MCM6: variants seen among roughly 807,000 people sequenced by gnomAD.
The protein encoded by MCM6 is DNA replication licensing factor MCM6.
Under a neutral mutation model 94.3 loss-of-function variants are expected in MCM6, and 46 were observed. That is an observed-to-expected ratio of 0.49 (90% CI 0.39 to 0.62). MCM6 has a LOEUF of 0.62. Among genes scored for constraint, MCM6 ranks in the 20% least tolerant of loss-of-function variants. The pLI is 0.00. For synonymous variants in MCM6, 335 were observed against 351.9 expected (o/e 0.95, Z 0.54); for missense variants, 865 against 1,017.9 (o/e 0.85, Z 2.04).
intron 9 of MCM6, among the ~76,000 whole-genome samples, chr2:135,858,615 AG>A (rs4988204): frequency 0.029 from 4,485 of 152,306 alleles, 94 homozygotes; most frequent in East Asian, 0.06. Flanking sequence ...CCCTTTTCTA[AG>A]GAAGATAATT....
chr2:135,854,612 C>T (rs573862301), intron 11 of MCM6, among the ~76,000 whole-genome samples: 1 of 149,682 alleles, frequency 6.7e-6, no homozygotes, highest in South Asian at 2.1e-4. Flanking sequence ...GTGGCACATG[C>T]CTATAATCCC....
chr2:135,848,750 T>C (rs1429980266), intron 13 of MCM6, among the ~76,000 whole-genome samples: 1 of 152,116 alleles, frequency 6.6e-6, no homozygotes, highest in East Asian at 1.9e-4. Context: ...CTGGGCATGG[T>C]GGCACATGCC....
intron 11 of MCM6, among the ~76,000 whole-genome samples, chr2:135,855,040 C>T (rs149435801): frequency 1.3e-5 from 2 of 152,138 alleles, no homozygotes; most frequent in African/African-American, 4.8e-5. Flanking sequence ...CCTATAATCC[C>T]AGCTACTCAG....
Position 135,868,805 on chromosome 2 carries a change from C to T in MCM6, c.421G>A (p.Val141Met). 6.2e-7 allele frequency: 1 copy of T among 1,614,124 alleles called. No homozygotes were observed. Among genetic ancestry groups the T allele is most frequent in the Middle Eastern group, 1.6e-4 (1 of 6,062 alleles). Reference protein sequence around the residue: ...IGLLTRISGQVVRTHPVHPEL... With the variant: ...IGLLTRISGQMVRTHPVHPEL... ...GGGTGAACTGGGTGAGTCCGCACCACCTGCCCACTGATGCGAGTGAGCAAA... is the reference window on the plus strand; with the variant it reads ...GGGTGAACTGGGTGAGTCCGCACCATCTGCCCACTGATGCGAGTGAGCAAA... Residue 141 changes from valine (V) to methionine (M), a missense_variant, in exon 4 of 17, where the codon GTG becomes ATG. Physicochemically the swap from Val to Met is conservative, Grantham distance 21. Coordinates refer to ENST00000264156, the MANE Select transcript of MCM6 (RefSeq NM_005915.6).
In MCM6 at chr2:135,864,092, C is replaced by A. The variant is rs181069390; in HGVS notation, c.1078+921G>T. 3.5e-3 allele frequency among the ~76,000 whole-genome samples: 531 copies of A among 152,072 alleles called. 5 individuals are homozygous for A. Among genetic ancestry groups the A allele is most frequent in the Middle Eastern group, 0.01 (3 of 292 alleles). The stretch of plus-strand genomic sequence containing the variant: ...CGCCACTGCACTCCAGCCTGGGCGA[C>A]AGAGTGAGACTCTGTCTCAAAATAA... On this transcript the variant is annotated intron_variant, in intron 7 of 16. Coordinates refer to ENST00000264156, the MANE Select transcript of MCM6 (RefSeq NM_005915.6).
At position 135,862,829 on chromosome 2, in the gene MCM6, T is replaced by C. The variant is rs143427621; in HGVS notation, c.1079-81A>G. 5.4e-6 allele frequency: 8 copies of C among 1,480,576 alleles called. No homozygotes were observed. In the Admixed American group the frequency reaches 9.3e-5, roughly 17 times the overall value. 91.7% of individuals were successfully genotyped at this position (1,480,576 alleles called of 1,614,324 possible). On this transcript the variant is annotated intron_variant, in intron 7 of 16. Transcript: ENST00000264156. ...ACTTTCAGAAGAAACAGTAAAGGCA[T>C]GTTTACCAACCGAAAGGCAGAGTCA...
chr2:135,872,241 T>C (rs1472451008), intron 2 of MCM6, among the ~76,000 whole-genome samples: 1 of 151,696 alleles, frequency 6.6e-6, no homozygotes, highest in African/African-American at 2.4e-5. Context: ...AGATCAGGAG[T>C]TCGAGACCAG....
Position 135,866,200 on chromosome 2 carries a change from G to A in MCM6, c.859C>T (p.Leu287Phe). 1.2e-6 allele frequency: 2 copies of A among 1,614,184 alleles called. No individual in the cohort carries two copies. The highest frequency in any genetic ancestry group is 1.7e-6 in the Non-Finnish European group (2 of 1,180,036). The change falls in exon 6 of 17, where the codon CTT becomes TTT. Residue 287 changes from leucine (L) to phenylalanine (F), a missense_variant. Around this residue, in one of 3 missense-constraint regions of MCM6, gnomAD observed 404 missense variants for 451.9 expected, o/e 0.89. Transcript: ENST00000264156. ...CTATAAGAAAGGTCCCTAACACCAA[G>A]GGCCCGGAGTCCTCGAATGCCTTCT... The part of the protein sequence containing the change: ...ETEGIRGLRA[L>F]GVRDLSYRLV...
chr2:135,844,815 G>C (rs1022305122), intron 15 of MCM6, 131 bp from the exon 16 acceptor site: 2 of 854,162 alleles, frequency 2.3e-6, no homozygotes, highest in Non-Finnish European at 3.3e-6. Flanking sequence ...AGTACATCTG[G>C]TGACGTAAGG....
chr2:135,847,247 C>T (rs1319886012), intron 14 of MCM6, among the ~76,000 whole-genome samples: 3 of 152,050 alleles, frequency 2.0e-5, no homozygotes, highest in Non-Finnish European at 4.4e-5. Flanking sequence ...GATCCTGTCT[C>T]TAGAAAAAAT....
In MCM6 at chr2:135,851,554, C is replaced by T; in HGVS notation, c.1765G>A (p.Glu589Lys). 1.9e-6 allele frequency: 3 copies of T among 1,599,116 alleles called. No homozygotes were observed. The highest frequency in any genetic ancestry group is 3.4e-5 in the Admixed American group (2 of 59,294). The change falls in exon 13 of 17, where the codon GAG becomes AAG. Residue 589 changes from glutamate (E) to lysine (K), a missense_variant. Glu to Lys is a moderately conservative substitution (Grantham distance 56). This residue lies in a region of MCM6 where 308 missense variants were observed against 324.5 expected (regional missense o/e 0.95). Coordinates refer to ENST00000264156, the MANE Select transcript of MCM6 (RefSeq NM_005915.6). ...ARQFKPKISK[E>K]SEDFIVEQYK... ...TGCTCCACAATGAAGTCCTCTGACTCTTTGGAAATCTGTTTCAGATCATCA... is the reference window on the plus strand; with the variant it reads ...TGCTCCACAATGAAGTCCTCTGACTTTTTGGAAATCTGTTTCAGATCATCA...
chr2:135,868,956 A>T, intron 3 of MCM6, 96 bp from the exon 4 acceptor site: 2 of 1,108,332 alleles, frequency 1.8e-6, no homozygotes, highest in Non-Finnish European at 2.6e-6. Context: ...ATTTATGTTT[A>T]AAAAAAAAAT....
intron 13 of MCM6, among the ~76,000 whole-genome samples, chr2:135,848,833 C>T (rs894463778): frequency 1.3e-5 from 2 of 151,854 alleles, no homozygotes; most frequent in African/African-American, 4.8e-5. Flanking sequence ...TGCAGTGAGC[C>T]GAGATTGTGA....
At chr2:135,863,807 TTA>T (rs1235525317) in intron 7 of MCM6, among the ~76,000 whole-genome samples, 1 of 150,660 alleles carries the variant, frequency 6.6e-6, no homozygotes, top group African/African-American at 2.5e-5. Flanking sequence ...CTTCTCTGAC[TTA>T]TATTTAGATA....
intron 2 of MCM6, among the ~76,000 whole-genome samples, chr2:135,871,587 CT>C (rs1202331977): frequency 1.3e-5 from 2 of 152,164 alleles, no homozygotes; most frequent in Non-Finnish European, 2.9e-5. Context: ...AATACAAAGT[CT>C]TGTGTGCAAA....
chr2:135,840,706 T>C lies in MCM6; in HGVS notation c.*129A>G, dbSNP rs184828444. ...CATAGGACCATCAACTCAATTCTTGTTTCTGAAAACAAATCCTGGAAGCAT... is the reference window on the plus strand; with the variant it reads ...CATAGGACCATCAACTCAATTCTTGCTTCTGAAAACAAATCCTGGAAGCAT... On this transcript the variant is annotated 3_prime_UTR_variant, in exon 17 of 17. Transcript: ENST00000264156. 1.9e-5 allele frequency: 12 copies of C among 647,460 alleles called. No homozygotes were observed. The East Asian group carries it at 3.2e-4, about 17-fold the overall frequency. 40.1% of individuals were successfully genotyped at this position (647,460 alleles called of 1,614,324 possible).
chr2:135,868,872 C>A lies in MCM6; in HGVS notation c.366-12G>T. ...TGAGCTCTCGAATCCTGTTTAAAGA[C>A]AAATGTCCCATTAGTAAACATTCAT... is the stretch of plus-strand genomic sequence containing the variant. On this transcript the variant is annotated splice_polypyrimidine_tract_variant and intron_variant, in intron 3 of 16. Coordinates refer to ENST00000264156, the MANE Select transcript of MCM6 (RefSeq NM_005915.6). 6.2e-7 allele frequency: 1 copy of A among 1,611,412 alleles called. No individual in the cohort carries two copies. The highest frequency in any genetic ancestry group is 8.5e-7 in the Non-Finnish European group (1 of 1,177,746).
chr2:135,872,709 T>C lies in MCM6; in HGVS notation c.242A>G (p.Glu81Gly), dbSNP rs752176648. 3.1e-6 allele frequency: 5 copies of C among 1,614,038 alleles called. No individual in the cohort carries two copies. Among genetic ancestry groups the C allele is most frequent in the Admixed American group, 1.7e-5 (1 of 60,002 alleles). ...AATATGCCCATACCTATAGAACTCC[T>C]CTTGAATGGTGGTGGAAAGTTGCTG... is the stretch of plus-strand genomic sequence containing the variant. ...FNQQLSTTIQ[E>G]EFYRVYPYLC... The change falls in exon 2 of 17, where the codon GAG becomes GGG. Residue 81 changes from glutamate (E) to glycine (G), a missense_variant. Glu to Gly is a moderately conservative substitution (Grantham distance 98). This residue lies in a region of MCM6 where 404 missense variants were observed against 451.9 expected (regional missense o/e 0.89). Coordinates refer to ENST00000264156, the MANE Select transcript of MCM6 (RefSeq NM_005915.6).
chr2:135,863,793 A>G (rs1680037322), intron 7 of MCM6, among the ~76,000 whole-genome samples: 2 of 150,780 alleles, frequency 1.3e-5, no homozygotes, highest in African/African-American at 4.9e-5. Context: ...TTCCACAAAC[A>G]AAACTTCTCT....
Sources: gnomAD v4.1 joint callset for allele counts (sites outside exome capture counted in the v4.1 genomes callset) on GRCh38, gnomAD v4.1.1 for gene constraint, gnomAD v4.1.1 regional missense constraint, MANE v1.5 for transcripts, NCBI Gene and HGNC (gene_info 2026-07-23, HGNC 2026-07-21) for gene names.